MAGI2: variants seen among roughly 807,000 people sequenced by gnomAD.
MAGI2 encodes the protein membrane associated guanylate kinase, WW and PDZ domain containing 2.
Under a neutral mutation model 133.3 loss-of-function variants are expected in MAGI2, and 35 were observed. The observed-to-expected ratio is 0.26, with a 90% CI of 0.20 to 0.35. MAGI2 has a LOEUF of 0.35. Among genes scored for constraint, MAGI2 ranks in the 10% least tolerant of loss-of-function variants. The pLI, the probability that MAGI2 is intolerant of heterozygous loss-of-function variation, is 1.00. For synonymous variants in MAGI2, 729 were observed against 710.6 expected, an observed-to-expected ratio of 1.03 and a Z score of -0.41; for missense variants, 1,636 against 1,863.4, an observed-to-expected ratio of 0.88 and a Z score of 2.25.
intron 10 of MAGI2, among the ~76,000 whole-genome samples, chr7:78,224,373 G>T (rs1789141885): frequency 1.3e-5 from 2 of 152,106 alleles, no homozygotes; most frequent in African/African-American, 2.4e-5. Context: ...AGTTATAAGT[G>T]CTCTTTTTTT....
chr7:78,112,242 T>G (rs1819430279), intron 20 of MAGI2, among the ~76,000 whole-genome samples: 1 of 152,204 alleles, frequency 6.6e-6, no homozygotes, highest in South Asian at 2.1e-4. Flanking sequence ...ACCCAGTGCT[T>G]TTGAAGTTCT....
At chr7:78,759,222 A>G (rs1824251691) in intron 2 of MAGI2, among the ~76,000 whole-genome samples, 2 of 152,182 alleles carry the variant, frequency 1.3e-5, no homozygotes, top group Admixed American at 6.5e-5. Flanking sequence ...AAATAATAAA[A>G]AAAAACTATA....
chr7:78,801,917 A>C (rs546246221), intron 2 of MAGI2, among the ~76,000 whole-genome samples: 100 of 152,294 alleles, frequency 6.6e-4, no homozygotes, highest in Middle Eastern at 6.8e-3. Context: ...TCTAACATAC[A>C]CCAAATACTA....
intron 1 of MAGI2, among the ~76,000 whole-genome samples, chr7:79,361,673 G>T (rs1842387056): frequency 6.6e-6 from 1 of 152,140 alleles, no homozygotes; most frequent in Non-Finnish European, 1.5e-5. Flanking sequence ...TCACAAGAGA[G>T]ATCATGCTAT....
chr7:78,869,285 T>C (rs550911144), intron 2 of MAGI2, among the ~76,000 whole-genome samples: 55 of 152,216 alleles, frequency 3.6e-4, no homozygotes, highest in Non-Finnish European at 7.6e-4. Flanking sequence ...TTTTTGGTCA[T>C]GGACTCTTTG....
intron 3 of MAGI2, among the ~76,000 whole-genome samples, chr7:78,623,126 T>C (rs1807923579): frequency 6.6e-6 from 1 of 152,134 alleles, no homozygotes; most frequent in Non-Finnish European, 1.5e-5. Flanking sequence ...ACATCTAGTG[T>C]ATCATGAGAA....
chr7:78,893,324 AT>A (rs1796928401), intron 2 of MAGI2, among the ~76,000 whole-genome samples: 1 of 152,244 alleles, frequency 6.6e-6, no homozygotes, highest in African/African-American at 2.4e-5. Flanking sequence ...TGGTGTGGGA[AT>A]TCCTCAGGGA....
At chr7:79,052,167 CA>C (rs1812732779) in intron 1 of MAGI2, among the ~76,000 whole-genome samples, 1 of 151,852 alleles carries the variant, frequency 6.6e-6, no homozygotes, top group Non-Finnish European at 1.5e-5. Context: ...AAGTGTGAAC[CA>C]TAATGTAGAG....
intron 21 of MAGI2, among the ~76,000 whole-genome samples, chr7:78,072,384 C>A (rs1255182548): frequency 6.6e-6 from 1 of 152,198 alleles, no homozygotes; most frequent in Admixed American, 6.5e-5. Context: ...CACTACTCTG[C>A]TAAAAACACA....
chr7:78,741,846 C>T (rs1331711505), intron 2 of MAGI2, among the ~76,000 whole-genome samples: 1 of 152,032 alleles, frequency 6.6e-6, no homozygotes, highest in Non-Finnish European at 1.5e-5. Flanking sequence ...GATACCAATG[C>T]ACTTATAAAC....
At chr7:78,869,603 A>C (rs1584224030) in intron 2 of MAGI2, among the ~76,000 whole-genome samples, 1 of 152,320 alleles carries the variant, frequency 6.6e-6, no homozygotes, top group Non-Finnish European at 1.5e-5. Flanking sequence ...GGAAATTGAC[A>C]ATCATGGCAT....
intron 3 of MAGI2, chr7:78,615,073 C>G (rs1806931469): frequency 6.6e-6 from 1 of 152,182 alleles, no homozygotes; most frequent in African/African-American, 2.4e-5. Flanking sequence ...TGTACTTTCT[C>G]TCTGTCCTCC....
chr7:78,505,394 T>C (rs1046341196), intron 4 of MAGI2, among the ~76,000 whole-genome samples: 2 of 152,200 alleles, frequency 1.3e-5, no homozygotes, highest in Non-Finnish European at 2.9e-5. Flanking sequence ...GTCTCCTAGC[T>C]GATTCCTTAT....
intron 9 of MAGI2, among the ~76,000 whole-genome samples, chr7:78,320,224 C>G (rs941889166): frequency 6.6e-6 from 1 of 152,176 alleles, no homozygotes; most frequent in Non-Finnish European, 1.5e-5. Context: ...CCTTCTGAAA[C>G]TATCCCAAAC....
At chr7:78,695,892 A>G (rs754050059) in intron 2 of MAGI2, among the ~76,000 whole-genome samples, 1 of 152,126 alleles carries the variant, frequency 6.6e-6, no homozygotes, top group African/African-American at 2.4e-5. Flanking sequence ...CTAGTTTTTA[A>G]AAGACTTTTC....
chr7:78,619,076 T>G (rs1807434849), intron 3 of MAGI2: 1 of 146,952 alleles, frequency 6.8e-6, no homozygotes. Context: ...AATATTGAAG[T>G]GCTAGAGATG....
intron 1 of MAGI2, among the ~76,000 whole-genome samples, chr7:79,168,472 A>G (rs1825162399): frequency 1.3e-5 from 2 of 152,110 alleles, no homozygotes; most frequent in African/African-American, 4.8e-5. Context: ...GTACATATTC[A>G]TATTTCCTAA....
chr7:78,439,756 A>G (rs1029466538), intron 6 of MAGI2, among the ~76,000 whole-genome samples: 1 of 152,198 alleles, frequency 6.6e-6, no homozygotes, highest in Admixed American at 6.5e-5. Context: ...AATTGCTTAC[A>G]TACCCTAACC....
At chr7:78,226,775 T>C (rs1317846826) in intron 10 of MAGI2, among the ~76,000 whole-genome samples, 2 of 152,208 alleles carry the variant, frequency 1.3e-5, no homozygotes, top group East Asian at 1.9e-4. Flanking sequence ...CTTATGAACA[T>C]ATAAATGGCT....
Sources: gnomAD v4.1 joint callset for allele counts (sites outside exome capture counted in the v4.1 genomes callset) on GRCh38, gnomAD v4.1.1 for gene constraint, MANE v1.5 for transcripts, NCBI Gene and HGNC (gene_info 2026-07-23, HGNC 2026-07-21) for gene names.